The following GCH1 variants were observed in gnomAD, a reference collection of about 807,000 sequenced individuals.
GCH1 encodes the protein GTP cyclohydrolase 1, also known as GTP cyclohydrolase I.
GCH1 carries 5 observed loss-of-function variants against 25.9 expected under a neutral mutation model. That is an observed-to-expected ratio of 0.19 (90% confidence interval 0.10 to 0.41). The LOEUF (loss-of-function observed/expected upper bound fraction) is 0.41, where lower values mean the gene tolerates loss of function less well. GCH1 is among the 10% of genes least tolerant of loss of function. The pLI, the probability that GCH1 is intolerant of heterozygous loss-of-function variation, is 1.00. For missense variants in GCH1, 261 were observed against 336.5 expected, an observed-to-expected ratio of 0.78 and a Z score of 1.75; for synonymous variants, 159 against 129.6, an observed-to-expected ratio of 1.23 and a Z score of -1.54.
intron 1 of GCH1, among the ~76,000 whole-genome samples, chr14:54,886,566 C>T (rs567353346): frequency 2.0e-5 from 3 of 152,060 alleles, no homozygotes; most frequent in Non-Finnish European, 4.4e-5. Context: ...GAGCCGAGAT[C>T]GCGCCACTGC....
intron 1 of GCH1, among the ~76,000 whole-genome samples, chr14:54,890,812 A>G (rs114920961): frequency 0.013 from 1,931 of 152,288 alleles, 43 homozygotes; most frequent in African/African-American, 0.044. Flanking sequence ...AACCCAAAAA[A>G]ACTCAAAATG....
intron 1 of GCH1, among the ~76,000 whole-genome samples, chr14:54,878,660 T>C (rs1047900482): frequency 2.0e-5 from 3 of 152,186 alleles, no homozygotes; most frequent in African/African-American, 7.2e-5. Context: ...ATCTGAAGGC[T>C]TTGGAGCTTC....
chr14:54,880,479 CACTCCATATATATATAT>C (rs772557764), intron 1 of GCH1, among the ~76,000 whole-genome samples: 9 of 49,448 alleles, frequency 1.8e-4, no homozygotes, highest in South Asian at 6.1e-4. Context: ...TATATATATA[CACTCCATATATATATAT>C]ACTCCATATA....
chr14:54,844,108 A>G lies in GCH1; in HGVS notation c.662T>C (p.Met221Thr), dbSNP rs104894434. 4.2e-5 allele frequency: 67 copies of G among 1,613,846 alleles called. No individual in the cohort carries two copies. Among genetic ancestry groups the G allele is most frequent in the Non-Finnish European group, 5.3e-5 (62 of 1,179,858 alleles). ...MCMVMRGVQK[M>T]NSKTVTSTML... is the part of the protein sequence containing the mutation. Reference sequence around the variant, plus strand: ...TGTGCTGGTCACAGTTTTGCTGTTCATTTTCTGTACACCTCGCATTACCAT... The same window carrying G: ...TGTGCTGGTCACAGTTTTGCTGTTCGTTTTCTGTACACCTCGCATTACCAT... The change falls in exon 6 of 6, where the codon ATG (methionine) becomes ACG (threonine). Residue 221 changes from methionine (M) to threonine (T), a missense_variant. This residue lies in a region of GCH1 where 130 missense variants were observed against 184.1 expected (regional missense o/e 0.71). Coordinates refer to ENST00000491895, the MANE Select transcript of GCH1 (RefSeq NM_000161.3).
At chr14:54,854,373 G>C (rs1298241204) in intron 3 of GCH1, among the ~76,000 whole-genome samples, 1 of 152,186 alleles carries the variant, frequency 6.6e-6, no homozygotes, top group African/African-American at 2.4e-5. Context: ...CTGCAGCAGG[G>C]AGGGCAGGAA....
chr14:54,845,168 G>T (rs960861058), intron 5 of GCH1, among the ~76,000 whole-genome samples: 1 of 148,882 alleles, frequency 6.7e-6, no homozygotes, highest in Non-Finnish European at 1.5e-5. Context: ...GCAAGACCCT[G>T]TCTTGAGCAT....
chr14:54,894,574 A>C (rs2040461536), intron 1 of GCH1, among the ~76,000 whole-genome samples: 1 of 152,184 alleles, frequency 6.6e-6, no homozygotes, highest in East Asian at 1.9e-4. Flanking sequence ...TTTGCTTGCT[A>C]TAGTGAAGTT....
At chr14:54,890,777 T>C (rs1444139092) in intron 1 of GCH1, among the ~76,000 whole-genome samples, 2 of 152,332 alleles carry the variant, frequency 1.3e-5, no homozygotes, top group African/African-American at 4.8e-5. Flanking sequence ...TAAACCAGCA[T>C]GGACACGTTC....
At chr14:54,888,256 A>G (rs572664165) in intron 1 of GCH1, among the ~76,000 whole-genome samples, 24 of 152,302 alleles carry the variant, frequency 1.6e-4, no homozygotes, top group African/African-American at 5.8e-4. Context: ...CAAGGAAAGG[A>G]GGCTGAAGAG....
intron 1 of GCH1, among the ~76,000 whole-genome samples, chr14:54,877,429 A>C (rs1353628561): frequency 6.6e-6 from 1 of 152,202 alleles, no homozygotes; most frequent in Admixed American, 6.5e-5. Context: ...ACATCCCTCA[A>C]GTATTTAGTC....
chr14:54,868,884 G>C (rs2040027782), intron 1 of GCH1, among the ~76,000 whole-genome samples: 1 of 152,074 alleles, frequency 6.6e-6, no homozygotes, highest in African/African-American at 2.4e-5. Flanking sequence ...ATGGGCGTGA[G>C]CCACCGTACC....
At chr14:54,857,479 C>T (rs1006750127) in intron 3 of GCH1, among the ~76,000 whole-genome samples, 3 of 152,186 alleles carry the variant, frequency 2.0e-5, no homozygotes, top group Non-Finnish European at 4.4e-5. Context: ...CTTTTTTACA[C>T]TATGAAACTA....
intron 1 of GCH1, among the ~76,000 whole-genome samples, chr14:54,896,752 A>G (rs113100590): frequency 0.22 from 32,779 of 150,542 alleles, 3,682 homozygotes; most frequent in African/African-American, 0.26. Context: ...CTCTACTAAA[A>G]AAATACAAAA....
Position 54,845,679 on chromosome 14 carries a change from C to T in GCH1, c.626+89G>A, listed in dbSNP as rs140127944. ...TTATCATATCAGTTGTGTGGCATCA[C>T]CTGGTGCTACAAAATATGAGAAGCA... On this transcript the variant is annotated intron_variant, in intron 5 of 5. Coordinates refer to ENST00000491895, the MANE Select transcript of GCH1 (RefSeq NM_000161.3). 7.7e-4 allele frequency: 617 copies of T among 805,374 alleles called. 1 individual carries two copies. In the African/African-American group the frequency reaches 9.2e-3, roughly 12 times the overall value. 49.9% of individuals were successfully genotyped at this position (805,374 alleles called of 1,614,324 possible). A position where few individuals can be genotyped will look rare whatever the true frequency, so the allele number is the denominator to read the frequency against.
chr14:54,880,680 TATATATATACTC>T (rs1351141783), intron 1 of GCH1, among the ~76,000 whole-genome samples: 11,045 of 12,920 alleles, frequency 0.85, 5,436 homozygotes, highest in South Asian at 0.98. Flanking sequence ...ATATACTCCA[TATATATATACTC>T]ATATATATAT....
At chr14:54,885,971 G>A (rs986727540) in intron 1 of GCH1, 3 of 271,240 alleles carry the variant, frequency 1.1e-5, no homozygotes, top group African/African-American at 6.8e-5. Flanking sequence ...ACCTGCTGGA[G>A]ACTATCAGCA....
intron 1 of GCH1, among the ~76,000 whole-genome samples, chr14:54,891,405 A>AT (rs538686624): frequency 0.039 from 4,221 of 108,990 alleles, 164 homozygotes; most frequent in African/African-American, 0.089. Context: ...CATGCCTGGC[A>AT]TTTTTTTTTT....
In GCH1 at chr14:54,885,261, C is replaced by T. The variant is rs188486555; in HGVS notation, c.343+17060G>A. ...CCTGCCATAGACATGGCTGCAGCTT[C>T]AGGATGGTAGAAGAAGTAGAAAGCT... On this transcript the variant is annotated intron_variant, in intron 1 of 5. Transcript: ENST00000491895. The T allele has an allele frequency of 9.8e-4, 212 of 216,192 alleles. 1 individual carries two copies. Among genetic ancestry groups the T allele is most frequent in the African/African-American group, 4.7e-3 (200 of 42,734 alleles). The allele number at this position is 216,192 out of a possible 1,614,324, so 13.4% of individuals were successfully genotyped here.
intron 1 of GCH1, among the ~76,000 whole-genome samples, chr14:54,869,538 T>C (rs1459519706): frequency 6.6e-6 from 1 of 152,146 alleles, no homozygotes; most frequent in Admixed American, 6.5e-5. Flanking sequence ...TGGAGTGCAA[T>C]GGCACAATCT....
Sources: allele counts gnomAD v4.1 joint callset (sites outside exome capture counted in the v4.1 genomes callset), GRCh38; gene constraint gnomAD v4.1.1; regional missense constraint gnomAD v4.1.1; transcripts MANE v1.5; gene names NCBI Gene and HGNC (gene_info 2026-07-23, HGNC 2026-07-21).